The following C1orf21 variants were observed in gnomAD, a reference collection of about 807,000 sequenced individuals.
C1orf21 encodes uncharacterized protein C1orf21.
A neutral mutation model predicts 18.7 loss-of-function variants in C1orf21; 3 were observed. That is an observed-to-expected ratio of 0.16 (90% CI 0.07 to 0.42). The LOEUF (loss-of-function observed/expected upper bound fraction) is 0.42, where lower values mean the gene tolerates loss of function less well. Among genes scored for constraint, C1orf21 ranks in the 10% least tolerant of loss-of-function variants. C1orf21 has a pLI of 0.99. For synonymous variants in C1orf21, 41 were observed against 46.4 expected (o/e 0.88, Z 0.47); for missense variants, 104 against 143.6 (o/e 0.72, Z 1.41).
At chr1:184,511,334 C>A (rs1431372467) in intron 3 of C1orf21, among the ~76,000 whole-genome samples, 1 of 152,122 alleles carries the variant, frequency 6.6e-6, no homozygotes, top group African/African-American at 2.4e-5. Flanking sequence ...CATACATAAA[C>A]CCCCCTTGGG....
At position 184,411,077 on chromosome 1, in the gene C1orf21, A is replaced by AT. The variant is rs1441797997; in HGVS notation, c.-125+23716dup. ...ATTTGGAGAAAATGCCTTACTGCTAATTTTTTTGTTTAAACAGGAACATAT... is the reference window on the plus strand; with the variant it reads ...ATTTGGAGAAAATGCCTTACTGCTAATTTTTTTTGTTTAAACAGGAACATAT... On this transcript the variant is annotated intron_variant, in intron 1 of 5. Transcript: ENST00000235307. 2.6e-5 allele frequency among the ~76,000 whole-genome samples: 4 copies of AT among 152,128 alleles called. No homozygotes were observed. The South Asian group carries it at 6.2e-4, about 24-fold the overall frequency.
intron 5 of C1orf21, among the ~76,000 whole-genome samples, chr1:184,610,789 AG>A (rs1659723191): frequency 6.7e-6 from 1 of 149,666 alleles, no homozygotes; most frequent in Admixed American, 6.7e-5. Context: ...CGGAGCTTGT[AG>A]TGAGCCGAGA....
chr1:184,577,953 G>GTTTTTTTTTTTT (rs1257021237), intron 3 of C1orf21, among the ~76,000 whole-genome samples: 9 of 108,952 alleles, frequency 8.3e-5, no homozygotes, highest in South Asian at 5.9e-4. Context: ...TTTTGTTTTT[G>GTTTTTTTTTTTT]TTTTTTTTTT....
At chr1:184,409,140 T>C (rs1656293392) in intron 1 of C1orf21, among the ~76,000 whole-genome samples, 1 of 152,224 alleles carries the variant, frequency 6.6e-6, no homozygotes, top group Non-Finnish European at 1.5e-5. Context: ...GCATGTTTTC[T>C]AGTGCTGGGA....
At chr1:184,479,089 A>G (rs1657614901) in intron 2 of C1orf21, among the ~76,000 whole-genome samples, 1 of 152,226 alleles carries the variant, frequency 6.6e-6, no homozygotes, top group South Asian at 2.1e-4. Flanking sequence ...ATTTTGTTCC[A>G]AGGAGATGCA....
chr1:184,410,049 G>A (rs1656308057), intron 1 of C1orf21, among the ~76,000 whole-genome samples: 1 of 152,136 alleles, frequency 6.6e-6, no homozygotes, highest in Non-Finnish European at 1.5e-5. Context: ...TAAAGTGTCT[G>A]ATCTTAAATT....
At chr1:184,462,636 C>G (rs1252866052) in intron 1 of C1orf21, among the ~76,000 whole-genome samples, 1 of 151,950 alleles carries the variant, frequency 6.6e-6, no homozygotes, top group Non-Finnish European at 1.5e-5. Flanking sequence ...AGCTGCTATT[C>G]ATATTTTTTT....
rs564773075 is a variant in C1orf21, at chr1:184,439,125, C to T, written c.-124-38261C>T. Among the ~76,000 whole-genome samples the T allele has an allele frequency of 8.5e-5, 13 of 152,136 alleles. No individual in the cohort carries two copies. In the South Asian group the frequency reaches 2.5e-3, roughly 29 times the overall value. ...ACTCGGGAGGCTGAGGCAGGAGAAT[C>T]GCTTGAACCCAGGAGGCGAAGGTTG... On this transcript the variant is annotated intron_variant, in intron 1 of 5. Coordinates refer to ENST00000235307, the MANE Select transcript of C1orf21 (RefSeq NM_030806.4).
chr1:184,504,021 A>G (rs1322238368), intron 2 of C1orf21, among the ~76,000 whole-genome samples: 2 of 152,184 alleles, frequency 1.3e-5, no homozygotes, highest in African/African-American at 4.8e-5. Flanking sequence ...ATCTACTCTG[A>G]CACCTTCTCA....
intron 3 of C1orf21, among the ~76,000 whole-genome samples, chr1:184,535,222 C>T (rs77877835): frequency 1.2e-3 from 185 of 152,248 alleles, no homozygotes; most frequent in Non-Finnish European, 2.3e-3. Flanking sequence ...TGATTCGGGA[C>T]AGCTGTGTAG....
chr1:184,406,918 C>A (rs12136470), intron 1 of C1orf21, among the ~76,000 whole-genome samples: 10,966 of 152,196 alleles, frequency 0.072, 527 homozygotes, highest in African/African-American at 0.14. Flanking sequence ...CTCGGCCTAC[C>A]AAAATGATGG....
intron 1 of C1orf21, among the ~76,000 whole-genome samples, chr1:184,454,310 A>T (rs1657163872): frequency 6.6e-6 from 1 of 152,222 alleles, no homozygotes; most frequent in Admixed American, 6.5e-5. Flanking sequence ...AATTATAATT[A>T]AAGATACCTT....
intron 1 of C1orf21, among the ~76,000 whole-genome samples, chr1:184,453,158 A>G (rs1371621280): frequency 6.6e-6 from 1 of 152,210 alleles, no homozygotes; most frequent in Admixed American, 6.5e-5. Context: ...AGAGGAAGCC[A>G]GAGTTGTGCT....
chr1:184,400,904 T>C (rs760004226), intron 1 of C1orf21, among the ~76,000 whole-genome samples: 4 of 152,224 alleles, frequency 2.6e-5, no homozygotes, highest in Non-Finnish European at 5.9e-5. Context: ...GCAGTTTTGC[T>C]AGACATTACC....
At chr1:184,590,675 C>T in intron 3 of C1orf21, 64 bp from the exon 4 acceptor site, 1 of 1,489,576 alleles carries the variant, frequency 6.7e-7, no homozygotes. Flanking sequence ...GATGAAAACT[C>T]ATACACTTGT....
intron 1 of C1orf21, among the ~76,000 whole-genome samples, chr1:184,422,170 A>G (rs1366148462): frequency 6.6e-6 from 1 of 152,216 alleles, no homozygotes; most frequent in Non-Finnish European, 1.5e-5. Flanking sequence ...GCAATAGTGC[A>G]GCATCAGGGC....
At chr1:184,591,890 A>T (rs1659443548) in intron 4 of C1orf21, among the ~76,000 whole-genome samples, 1 of 152,226 alleles carries the variant, frequency 6.6e-6, no homozygotes, top group Non-Finnish European at 1.5e-5. Context: ...AGTGAAAATT[A>T]GTGCCTATAG....
intron 1 of C1orf21, among the ~76,000 whole-genome samples, chr1:184,459,983 C>T (rs1437722454): frequency 1.3e-5 from 2 of 152,194 alleles, no homozygotes; most frequent in Non-Finnish European, 2.9e-5. Flanking sequence ...CACCGTTTCC[C>T]TTCACTCCGT....
At chr1:184,495,221 G>T (rs375639173) in intron 2 of C1orf21, among the ~76,000 whole-genome samples, 9 of 151,986 alleles carry the variant, frequency 5.9e-5, no homozygotes, top group African/African-American at 2.2e-4. Context: ...CCTTCCCCCC[G>T]CAACATAGAC....
Sources: allele counts gnomAD v4.1 joint callset (sites outside exome capture counted in the v4.1 genomes callset), GRCh38; gene constraint gnomAD v4.1.1; transcripts MANE v1.5; gene names NCBI Gene and HGNC (gene_info 2026-07-23, HGNC 2026-07-21).